NBN: variants seen among roughly 807,000 people sequenced by gnomAD.
NBN encodes the protein nibrin.
Under a neutral mutation model 90.8 loss-of-function variants are expected in NBN, and 88 were observed. The ratio of observed to expected loss-of-function variants is 0.97; its 90% CI spans 0.82 to 1.16. The LOEUF (loss-of-function observed/expected upper bound fraction) is 1.16. NBN is among the 50% of genes most tolerant of loss of function. The probability of loss-of-function intolerance (pLI) is 0.00; values close to 1 mark genes in which losing one functional copy is unlikely to be tolerated. For synonymous variants in NBN, 328 were observed against 295.1 expected (o/e 1.11, Z -1.14); for missense variants, 894 against 869.6 (o/e 1.03, Z -0.35).
chr8:89,968,089 C>T (rs1811333421), intron 7 of NBN, among the ~76,000 whole-genome samples: 2 of 152,232 alleles, frequency 1.3e-5, no homozygotes, highest in African/African-American at 4.8e-5. Context: ...AAAACCCAGT[C>T]TCTACAAGAA....
intron 4 of NBN, 165 bp from the exon 5 acceptor site, chr8:89,978,488 G>C (rs928048776): frequency 5.6e-6 from 1 of 178,072 alleles, no homozygotes; most frequent in Non-Finnish European, 1.1e-5. Context: ...TAAAATAGAA[G>C]TCGGTCTTTG....
intron 14 of NBN, among the ~76,000 whole-genome samples, chr8:89,938,819 A>C (rs1167037716): frequency 6.6e-6 from 1 of 152,222 alleles, no homozygotes; most frequent in Non-Finnish European, 1.5e-5. Context: ...ATAAATGGGA[A>C]GACATCATTT....
chr8:89,971,396 C>A, intron 5 of NBN, 106 bp from the exon 6 acceptor site: 2 of 1,258,194 alleles, frequency 1.6e-6, no homozygotes, highest in East Asian at 2.8e-5. Context: ...TTCCATAATA[C>A]CTTTATAGTA....
rs1057516320 is a variant in NBN at position 89,981,430 on chromosome 8, G to C, written c.265C>G (p.Arg89Gly). 1 of 1,613,928 alleles carries C rather than the reference G, an allele frequency of 6.2e-7. No individual in the cohort carries two copies. The highest frequency in any genetic ancestry group is 8.5e-7 in the Non-Finnish European group (1 of 1,179,950). Residue 89 changes from arginine (R) to glycine (G), a missense_variant, in exon 3 of 16, where the codon CGA (arginine) becomes GGA (glycine). Arg to Gly is a moderately radical substitution (Grantham distance 125, BLOSUM62 -2). Coordinates refer to ENST00000265433, the MANE Select transcript of NBN (RefSeq NM_002485.5). ...NEEKMQNGFS[R>G]TLKSGDGITF... ...ATACCATCCCCCGACTTCAAAGTTC[G>C]GGAAAAGCCATTCTGCATTTTTTCC... is the stretch of plus-strand genomic sequence containing the variant.
intron 11 of NBN, among the ~76,000 whole-genome samples, chr8:89,950,431 T>C (rs1043516182): frequency 2.7e-5 from 4 of 150,716 alleles, no homozygotes; most frequent in Admixed American, 2.0e-4. Flanking sequence ...TTTTAAAAAG[T>C]TTGTACATGT....
chr8:89,975,899 T>C (rs965278321), intron 5 of NBN, among the ~76,000 whole-genome samples: 1 of 152,264 alleles, frequency 6.6e-6, no homozygotes, highest in Admixed American at 6.5e-5. Context: ...ATTTATGTAC[T>C]TCCTCAGGGA....
chr8:89,980,651 A>T, intron 4 of NBN, 83 bp downstream of exon 4: 1 of 1,173,018 alleles, frequency 8.5e-7, no homozygotes, highest in Non-Finnish European at 1.2e-6. Context: ...GTTTTAAAGT[A>T]ATTAAAAAAA....
chr8:89,973,015 T>G (rs1203540939), intron 5 of NBN, among the ~76,000 whole-genome samples: 1 of 152,228 alleles, frequency 6.6e-6, no homozygotes, highest in African/African-American at 2.4e-5. Context: ...CTTAGTTCGA[T>G]GAAGTTTGAG....
intron 5 of NBN, among the ~76,000 whole-genome samples, chr8:89,973,507 C>T (rs971121932): frequency 2.0e-5 from 3 of 152,148 alleles, no homozygotes; most frequent in Admixed American, 1.3e-4. Context: ...CTTAGTAATA[C>T]CTACATTTGA....
At chr8:89,942,210 G>C (rs1309257692) in intron 14 of NBN, among the ~76,000 whole-genome samples, 1 of 152,102 alleles carries the variant, frequency 6.6e-6, no homozygotes, top group Non-Finnish European at 1.5e-5. Flanking sequence ...ACTTAGTGAA[G>C]GAAATAAATA....
intron 5 of NBN, among the ~76,000 whole-genome samples, chr8:89,977,762 G>A (rs944982773): frequency 6.6e-6 from 1 of 152,256 alleles, no homozygotes; most frequent in Non-Finnish European, 1.5e-5. Context: ...ACTCAGCTAG[G>A]TAGGTATTAC....
chr8:89,933,728 G>T lies in NBN; in HGVS notation c.*1854C>A, dbSNP rs180734807. 1.7e-5 allele frequency: 4 copies of T among 231,762 alleles called. No homozygotes were observed. The highest frequency in any genetic ancestry group is 1.1e-4 in the Admixed American group (2 of 17,740). The allele number at this position is 231,762 out of a possible 1,614,324, so 14.4% of individuals were successfully genotyped here. ...TGGAGAGAAAAAATATCAAACAAAA[G>T]AAAAAAATAAATTTGACCTTGTCAA... On this transcript the variant is annotated 3_prime_UTR_variant, in exon 16 of 16. Transcript: ENST00000265433.
chr8:89,967,773 AC>A (rs1339400142), intron 7 of NBN, among the ~76,000 whole-genome samples: 9 of 152,060 alleles, frequency 5.9e-5, no homozygotes, highest in African/African-American at 2.2e-4. Context: ...TCCTATACTC[AC>A]TTCTGACATC....
At chr8:89,956,607 A>G (rs186588774) in intron 9 of NBN, among the ~76,000 whole-genome samples, 2 of 152,330 alleles carry the variant, frequency 1.3e-5, no homozygotes, top group African/African-American at 2.4e-5. Context: ...CAATACAAAT[A>G]TATGTATTTC....
At chr8:89,980,936 T>C in intron 3 of NBN, 43 bp from the exon 4 acceptor site, 1 of 1,578,238 alleles carries the variant, frequency 6.3e-7, no homozygotes, top group Admixed American at 1.7e-5. Flanking sequence ...GTATCAGAGT[T>C]GCAGAGATGG....
chr8:89,973,520 T>C (rs1811607149), intron 5 of NBN, among the ~76,000 whole-genome samples: 1 of 152,222 alleles, frequency 6.6e-6, no homozygotes, highest in Admixed American at 6.5e-5. Context: ...ACATTTGATA[T>C]ATGATAGACA....
At position 89,935,062 on chromosome 8, in the gene NBN, A is replaced by C. The variant is rs143335332; in HGVS notation, c.*520T>G. On this transcript the variant is annotated 3_prime_UTR_variant, in exon 16 of 16. Coordinates refer to ENST00000265433, the MANE Select transcript of NBN (RefSeq NM_002485.5). The stretch of plus-strand genomic sequence containing the variant: ...AAGACTACAGCATAATGGAAAAGAA[A>C]AAATATTAAAAACATTATATTGATA... 1.5e-4 allele frequency: 34 copies of C among 233,862 alleles called. No individual in the cohort carries two copies. The highest frequency in any genetic ancestry group is 2.2e-4 in the Non-Finnish European group (26 of 118,726). The allele number at this position is 233,862 out of a possible 1,614,324, so 14.5% of individuals were successfully genotyped here. A position where few individuals can be genotyped will look rare whatever the true frequency, so the allele number is the denominator to read the frequency against.
At chr8:89,941,291 G>A (rs1025047281) in intron 14 of NBN, among the ~76,000 whole-genome samples, 4 of 152,110 alleles carry the variant, frequency 2.6e-5, no homozygotes, top group South Asian at 2.1e-4. Flanking sequence ...ACTGGCTTTC[G>A]AGCTTAAGAA....
At position 89,971,089 on chromosome 8, in the gene NBN, C is replaced by G. The variant is rs104895036; in HGVS notation, c.702+84G>C. 6,527 of 1,427,302 alleles carry G rather than the reference C, an allele frequency of 4.6e-3. 18 individuals are homozygous for G. The highest frequency in any genetic ancestry group is 9.4e-3 in the Middle Eastern group (42 of 4,452). The allele number at this position is 1,427,302 out of a possible 1,614,324, so 88.4% of individuals were successfully genotyped here. A position where few individuals can be genotyped will look rare whatever the true frequency, so the allele number is the denominator to read the frequency against. Reference sequence around the variant, plus strand: ...TTACACAAAATCCCAAAATGAAATACGTTAACAACTACTGATAAGAGTTAA... The same window carrying G: ...TTACACAAAATCCCAAAATGAAATAGGTTAACAACTACTGATAAGAGTTAA... On this transcript the variant is annotated intron_variant, in intron 6 of 15. Coordinates refer to ENST00000265433, the MANE Select transcript of NBN (RefSeq NM_002485.5).
Sources: gnomAD v4.1 joint callset for allele counts (sites outside exome capture counted in the v4.1 genomes callset) on GRCh38, gnomAD v4.1.1 for gene constraint, MANE v1.5 for transcripts, NCBI Gene and HGNC (gene_info 2026-07-23, HGNC 2026-07-21) for gene names.